The following PCDHA6 variants were observed in gnomAD, a reference collection of about 807,000 sequenced individuals.
PCDHA6 encodes the protein protocadherin alpha 6.
Under a neutral mutation model 60.3 loss-of-function variants are expected in PCDHA6, and 55 were observed. The observed-to-expected ratio is 0.91, with a 90% CI of 0.73 to 1.14. The LOEUF (loss-of-function observed/expected upper bound fraction) is 1.14. Among genes scored for constraint, PCDHA6 ranks in the 50% most tolerant of loss-of-function variants. The pLI, the probability that PCDHA6 is intolerant of heterozygous loss-of-function variation, is 0.00. For missense variants in PCDHA6, 1,327 were observed against 1,256.5 expected (o/e 1.06, Z -0.85); for synonymous variants, 652 against 557.9 (o/e 1.17, Z -2.38).
chr5:140,887,391 C>T lies in PCDHA6; in HGVS notation c.2394+56906C>T, dbSNP rs181873563. ...GATTACAGGTGTGAGCCACCGCGCC[C>T]GGCTCTTTATCTCATTTTTATTTTT... On this transcript the variant is annotated intron_variant, in intron 1 of 3. Coordinates refer to ENST00000529310, the MANE Select transcript of PCDHA6 (RefSeq NM_018909.4). Among the ~76,000 whole-genome samples, 23 of 152,222 alleles carry T rather than the reference C, an allele frequency of 1.5e-4. 1 individual carries two copies. Among genetic ancestry groups the T allele is most frequent in the African/African-American group, 4.8e-4 (20 of 41,540 alleles).
rs183812467 is a variant in PCDHA6, at chr5:140,921,187, A to G, written c.2395-57762A>G. Among the ~76,000 whole-genome samples the G allele has an allele frequency of 1.1e-3, 174 of 152,102 alleles. 2 individuals carry two copies. Among genetic ancestry groups the G allele is most frequent in the Non-Finnish European group, 2.1e-4 (14 of 68,012 alleles). ...AACACACATAAAGCACAGTTTTTTC[A>G]CAATAGATTGACAACGATAATTCAC... On this transcript the variant is annotated intron_variant, in intron 1 of 3. Transcript: ENST00000529310.
intron 1 of PCDHA6, among the ~76,000 whole-genome samples, chr5:140,898,096 G>T (rs2066523889): frequency 6.6e-6 from 1 of 152,034 alleles, no homozygotes; most frequent in South Asian, 2.1e-4. Context: ...TTAGCCCTTT[G>T]TCAGATGAGT....
chr5:140,896,596 C>T (rs1554187019), intron 1 of PCDHA6, among the ~76,000 whole-genome samples: 2 of 151,466 alleles, frequency 1.3e-5, no homozygotes, highest in African/African-American at 4.9e-5. Flanking sequence ...AGGCTGGTCT[C>T]GAACTCCTGG....
intron 1 of PCDHA6, among the ~76,000 whole-genome samples, chr5:140,926,099 T>C (rs1364046229): frequency 6.6e-6 from 1 of 152,162 alleles, no homozygotes; most frequent in Non-Finnish European, 1.5e-5. Context: ...GCTCCTGGGA[T>C]ACAAGAGGGT....
intron 1 of PCDHA6, chr5:140,876,435 C>A (rs1380633697): frequency 1.9e-6 from 3 of 1,613,852 alleles, no homozygotes; most frequent in Non-Finnish European, 1.7e-6. Context: ...TTCAGGTTAA[C>A]GCCATTGATA....
intron 1 of PCDHA6, chr5:140,966,646 G>A: frequency 1.8e-6 from 2 of 1,139,684 alleles, no homozygotes; most frequent in Non-Finnish European, 2.3e-6. Flanking sequence ...TTTCTAGAGC[G>A]TGAGCGGTGG....
At chr5:140,883,825 G>T in intron 1 of PCDHA6, 1 of 1,612,576 alleles carries the variant, frequency 6.2e-7, no homozygotes, top group South Asian at 1.1e-5. Context: ...AGGTGTACGC[G>T]CTGCAGCCGT....
chr5:140,953,858 T>C (rs568873240), intron 1 of PCDHA6, among the ~76,000 whole-genome samples: 10 of 152,328 alleles, frequency 6.6e-5, no homozygotes, highest in African/African-American at 1.9e-4. Flanking sequence ...TGTGCCATGG[T>C]GGTTTGCTGC....
chr5:140,905,776 GT>G (rs1255347430), intron 1 of PCDHA6, among the ~76,000 whole-genome samples: 1 of 152,068 alleles, frequency 6.6e-6, no homozygotes, highest in African/African-American at 2.4e-5. Flanking sequence ...ATTCCGAAGT[GT>G]ATTAGTCAGG....
At chr5:140,852,033 A>C in intron 1 of PCDHA6, 2 of 934,104 alleles carry the variant, frequency 2.1e-6, no homozygotes, top group Non-Finnish European at 2.6e-6. Context: ...TCGCTTATTG[A>C]GTTTTTGTTA....
At chr5:140,946,894 T>C (rs1368559322) in intron 1 of PCDHA6, among the ~76,000 whole-genome samples, 1 of 151,402 alleles carries the variant, frequency 6.6e-6, no homozygotes, top group Non-Finnish European at 1.5e-5. Context: ...TACAATTAGA[T>C]AGGAAGAATA....
chr5:140,916,561 G>A (rs1038683507), intron 1 of PCDHA6, among the ~76,000 whole-genome samples: 9 of 152,180 alleles, frequency 5.9e-5, no homozygotes, highest in African/African-American at 2.2e-4. Context: ...TTTGTCCAGG[G>A]TGTGTCTAGA....
At chr5:140,996,831 T>C (rs1196344709) in intron 3 of PCDHA6, among the ~76,000 whole-genome samples, 1 of 152,204 alleles carries the variant, frequency 6.6e-6, no homozygotes, top group Non-Finnish European at 1.5e-5. Flanking sequence ...CTACCAATAA[T>C]TTAGCGTGCA....
chr5:140,984,230 A>C (rs1329517544), intron 3 of PCDHA6, among the ~76,000 whole-genome samples: 1 of 152,112 alleles, frequency 6.6e-6, no homozygotes, highest in Non-Finnish European at 1.5e-5. Flanking sequence ...GCTCTTATGG[A>C]GGCATTGTAG....
At chr5:140,864,034 T>C (rs2048289814) in intron 1 of PCDHA6, 1 of 153,038 alleles carries the variant, frequency 6.5e-6, no homozygotes, top group African/African-American at 2.4e-5. Flanking sequence ...CTAGCCATCT[T>C]AATCACTTTT....
chr5:140,897,722 T>A (rs1236534951), intron 1 of PCDHA6, among the ~76,000 whole-genome samples: 1 of 152,162 alleles, frequency 6.6e-6, no homozygotes, highest in African/African-American at 2.4e-5. Flanking sequence ...GATGGCTGGG[T>A]CAAATAGTAT....
intron 1 of PCDHA6, among the ~76,000 whole-genome samples, chr5:140,905,814 G>A (rs1303983123): frequency 6.6e-6 from 1 of 152,090 alleles, no homozygotes; most frequent in South Asian, 2.1e-4. Flanking sequence ...GAATTAATAG[G>A]CTAGATGTGT....
At chr5:140,835,904 C>G in intron 1 of PCDHA6, 2 of 1,612,180 alleles carry the variant, frequency 1.2e-6, no homozygotes, top group Non-Finnish European at 1.7e-6. Flanking sequence ...TGTCGAGCTA[C>G]GTGTCAGTGC....
At chr5:140,984,987 G>C (rs1034950978) in intron 3 of PCDHA6, among the ~76,000 whole-genome samples, 7 of 152,028 alleles carry the variant, frequency 4.6e-5, no homozygotes, top group Admixed American at 2.0e-4. Flanking sequence ...CCCCAGGCTG[G>C]AGTCCAGTGG....
Sources: allele counts gnomAD v4.1 joint callset (sites outside exome capture counted in the v4.1 genomes callset), GRCh38; gene constraint gnomAD v4.1.1; transcripts MANE v1.5; gene names NCBI Gene and HGNC (gene_info 2026-07-23, HGNC 2026-07-21).